The following B3GNT2 variants were observed in gnomAD, a reference collection of about 807,000 sequenced individuals.
B3GNT2 encodes the protein N-acetyllactosaminide beta-1,3-N-acetylglucosaminyltransferase 2.
Under a neutral mutation model 27.6 loss-of-function variants are expected in B3GNT2, and 12 were observed. That is an observed-to-expected ratio of 0.44 (90% CI 0.28 to 0.71). The LOEUF is 0.71. Ranked by LOEUF, B3GNT2 falls within the 30% of genes least tolerant of loss-of-function variation. B3GNT2 has a pLI of 0.17. For synonymous variants in B3GNT2, 192 were observed against 189.7 expected (o/e 1.01, Z -0.10); for missense variants, 413 against 488.5 (o/e 0.85, Z 1.46).
At chr2:62,197,237 G>T (rs959275164) in intron 1 of B3GNT2, among the ~76,000 whole-genome samples, 3 of 152,072 alleles carry the variant, frequency 2.0e-5, no homozygotes, top group East Asian at 3.9e-4. Context: ...ACTCCAGCAC[G>T]GCAGGCGGAC....
chr2:62,223,246 A>G lies in B3GNT2; in HGVS notation c.1026A>G (p.Lys342=). The G allele has an allele frequency of 6.2e-7, 1 of 1,614,168 alleles. No individual in the cohort carries two copies. Among genetic ancestry groups the G allele is most frequent in the Non-Finnish European group, 8.5e-7 (1 of 1,180,028 alleles). Residue 342 remains lysine, a synonymous_variant, in exon 2 of 2, where the codon AAA becomes AAG. Transcript: ENST00000301998. The part of the protein sequence containing the change: ...DDVYTGMCLQ[K]LGLVPEKHKG... ...TTTATACTGGAATGTGCCTTCAGAA[A>G]CTCGGCCTCGTTCCAGAGAAACACA...
Position 62,223,243 on chromosome 2 carries a change from G to A in B3GNT2, c.1023G>A (p.Gln341=). 1.2e-6 allele frequency: 2 copies of A among 1,614,176 alleles called. No individual in the cohort carries two copies. The highest frequency in any genetic ancestry group is 1.7e-6 in the Non-Finnish European group (2 of 1,180,028). The change falls in exon 2 of 2, where the codon CAG becomes CAA. Residue 341 remains glutamine (Q), a synonymous_variant. Coordinates refer to ENST00000301998, the MANE Select transcript of B3GNT2 (RefSeq NM_006577.6). ...ACGTTTATACTGGAATGTGCCTTCA[G>A]AAACTCGGCCTCGTTCCAGAGAAAC... ...IDDVYTGMCL[Q]KLGLVPEKHK...
chr2:62,207,035 G>T (rs907776555), intron 1 of B3GNT2, among the ~76,000 whole-genome samples: 3 of 152,140 alleles, frequency 2.0e-5, no homozygotes, highest in African/African-American at 7.2e-5. Context: ...GTTACAGAAG[G>T]TTATTTTTAA....
rs1674742736 is a variant in B3GNT2 at position 62,222,751 on chromosome 2, G to A, written c.531G>A (p.Val177=). 6.2e-7 allele frequency: 1 copy of A among 1,614,210 alleles called. No individual in the cohort carries two copies. Among genetic ancestry groups the A allele is most frequent in the Non-Finnish European group, 8.5e-7 (1 of 1,180,046 alleles). ...GCAACGCAGGGAACCAAACGGTGGT[G>A]CGAGTCTTCCTGCTGGGCCAGACAC... ...QESNAGNQTV[V]RVFLLGQTPP... The change falls in exon 2 of 2, where the codon GTG becomes GTA. Residue 177 remains valine (V), a synonymous_variant. Coordinates refer to ENST00000301998, the MANE Select transcript of B3GNT2 (RefSeq NM_006577.6). This position sits in a 1 kb window ranked among gnomAD's most constrained non-coding sequence, Gnocchi z 4.2.
At chr2:62,220,754 T>C (rs1558637056) in intron 1 of B3GNT2, among the ~76,000 whole-genome samples, 1 of 151,920 alleles carries the variant, frequency 6.6e-6, no homozygotes, top group Non-Finnish European at 1.5e-5. Flanking sequence ...GATAAGAAAA[T>C]CTTCAGCTCT....
intron 1 of B3GNT2, among the ~76,000 whole-genome samples, chr2:62,196,576 C>T (rs1190969630): frequency 6.6e-6 from 1 of 152,256 alleles, no homozygotes; most frequent in Non-Finnish European, 1.5e-5. Flanking sequence ...CCTCCCTTAC[C>T]TTCCCGCCGT....
chr2:62,196,966 C>A (rs1674158495), intron 1 of B3GNT2, among the ~76,000 whole-genome samples: 1 of 151,862 alleles, frequency 6.6e-6, no homozygotes, highest in African/African-American at 2.4e-5. Context: ...TCTGCCACTT[C>A]TGTCTCCGGC....
chr2:62,212,948 A>T (rs542066797), intron 1 of B3GNT2, among the ~76,000 whole-genome samples: 9 of 152,278 alleles, frequency 5.9e-5, no homozygotes, highest in African/African-American at 2.2e-4. Flanking sequence ...CTGAGGGCTC[A>T]CTGAGAGGCT....
At position 62,224,288 on chromosome 2, in the gene B3GNT2, T is replaced by A. The variant is rs1220829105; in HGVS notation, c.*874T>A. The A allele has an allele frequency of 6.0e-6, 1 of 167,078 alleles. No individual in the cohort carries two copies. Among genetic ancestry groups the A allele is most frequent in the Non-Finnish European group, 1.5e-5 (1 of 68,122 alleles). The allele number at this position is 167,078 out of a possible 1,614,324, so 10.3% of individuals were successfully genotyped here. On this transcript the variant is annotated 3_prime_UTR_variant, in exon 2 of 2. Transcript: ENST00000301998. Reference sequence around the variant, plus strand: ...GACTTTTGCATAGATGGTTTGTCAATTTAAAATTCCAGAATTTATTATTGC... The same window carrying A: ...GACTTTTGCATAGATGGTTTGTCAAATTAAAATTCCAGAATTTATTATTGC...
chr2:62,221,695 A>G (rs1674696182), intron 1 of B3GNT2: 4 of 338,254 alleles, frequency 1.2e-5, no homozygotes, highest in Non-Finnish European at 2.3e-5. Flanking sequence ...CTTGAGAGTG[A>G]ATGACATGGA....
chr2:62,205,088 C>G (rs759620358), intron 1 of B3GNT2, among the ~76,000 whole-genome samples: 1 of 152,174 alleles, frequency 6.6e-6, no homozygotes, highest in Non-Finnish European at 1.5e-5. Flanking sequence ...GATTGGAAGC[C>G]CGTGGCACTG....
At position 62,223,059 on chromosome 2, in the gene B3GNT2, G is replaced by A; in HGVS notation, c.839G>A (p.Gly280Glu). 6.2e-7 allele frequency: 1 copy of A among 1,614,200 alleles called. No individual in the cohort carries two copies. Among genetic ancestry groups the A allele is most frequent in the Non-Finnish European group, 8.5e-7 (1 of 1,180,048 alleles). The change falls in exon 2 of 2, where the codon GGA (glycine) becomes GAA (glutamate). Residue 280 changes from glycine (G) to glutamate (E), a missense_variant. By Grantham distance (98) the Gly-to-Glu change is moderately conservative. Coordinates refer to ENST00000301998, the MANE Select transcript of B3GNT2 (RefSeq NM_006577.6). ...LFIGDVIHNAGPHRDKKLKYY... is the reference protein window; with the variant it reads ...LFIGDVIHNAEPHRDKKLKYY... ...ATAGGTGATGTGATCCACAATGCTG[G>A]ACCTCATCGGGATAAGAAGCTGAAG...
chr2:62,212,465 A>G (rs1674498552), intron 1 of B3GNT2, among the ~76,000 whole-genome samples: 1 of 151,902 alleles, frequency 6.6e-6, no homozygotes, highest in South Asian at 2.1e-4. Context: ...GCTCTGGCCT[A>G]GGGTATACAT....
At chr2:62,197,400 C>T (rs563842956) in intron 1 of B3GNT2, among the ~76,000 whole-genome samples, 5 of 152,330 alleles carry the variant, frequency 3.3e-5, no homozygotes, top group African/African-American at 1.2e-4. Flanking sequence ...CAAAGCTCAT[C>T]TTTAAAAATA....
chr2:62,214,964 G>A (rs980294451), intron 1 of B3GNT2, among the ~76,000 whole-genome samples: 2 of 152,034 alleles, frequency 1.3e-5, no homozygotes, highest in African/African-American at 4.8e-5. Flanking sequence ...ATGGCCTCTG[G>A]GAGGGTTAAT....
At chr2:62,198,994 G>A (rs1423355397) in intron 1 of B3GNT2, among the ~76,000 whole-genome samples, 10 of 152,028 alleles carry the variant, frequency 6.6e-5, no homozygotes. Flanking sequence ...AGGCTGGAGT[G>A]CAGTGGTGCA....
rs190529860 is a variant in B3GNT2, at chr2:62,212,145, G to A, written c.-9-10067G>A. On this transcript the variant is annotated intron_variant, in intron 1 of 1. Transcript: ENST00000301998. The stretch of plus-strand genomic sequence containing the variant: ...AATGTTTTTTCTTTGCCTTTTGTAA[G>A]TAGAGGGCTCTGAAGGGGACCTTGT... Among the ~76,000 whole-genome samples the A allele has an allele frequency of 1.2e-3, 178 of 152,298 alleles. 1 individual carries two copies. Among genetic ancestry groups the A allele is most frequent in the African/African-American group, 4.1e-3 (172 of 41,554 alleles).
At chr2:62,202,346 A>C (rs1219848260) in intron 1 of B3GNT2, among the ~76,000 whole-genome samples, 1 of 152,236 alleles carries the variant, frequency 6.6e-6, no homozygotes, top group East Asian at 1.9e-4. Flanking sequence ...GGAAGGTAGA[A>C]GTGCTCAAGG....
chr2:62,213,768 T>A (rs1006491299), intron 1 of B3GNT2, among the ~76,000 whole-genome samples: 2 of 152,244 alleles, frequency 1.3e-5, no homozygotes, highest in African/African-American at 4.8e-5. Context: ...GACAGTTTTC[T>A]ATAAACATGT....
Sources: allele counts gnomAD v4.1 joint callset (sites outside exome capture counted in the v4.1 genomes callset), GRCh38; gene constraint gnomAD v4.1.1; non-coding constraint Gnocchi (gnomAD v3.1); transcripts MANE v1.5; gene names NCBI Gene and HGNC (gene_info 2026-07-23, HGNC 2026-07-21).